The following ZNF536 variants were observed in gnomAD, a reference collection of about 807,000 sequenced individuals.
ZNF536 encodes zinc finger protein 536.
Under a neutral mutation model 84.5 loss-of-function variants are expected in ZNF536, and 13 were observed. The observed-to-expected ratio is 0.15, with a 90% CI of 0.10 to 0.24. The LOEUF (loss-of-function observed/expected upper bound fraction) is 0.24, where lower values mean the gene tolerates loss of function less well. Ranked by LOEUF, ZNF536 falls within the 10% of genes least tolerant of loss-of-function variation. ZNF536 has a pLI of 1.00. For synonymous variants in ZNF536, 811 were observed against 742.5 expected (o/e 1.09, Z -1.50); for missense variants, 1,536 against 1,747.5 (o/e 0.88, Z 2.16).
rs529980935 is a variant in ZNF536, at chr19:30,702,801, G to A, written c.170-7956G>A. ...TCCTGGCAACCTGTTTCATTCATCT[G>A]TTCCTTTGCTGGAAAAAAATGCTTG... is the stretch of plus-strand genomic sequence containing the variant. On this transcript the variant is annotated intron_variant, in intron 1 of 1. Transcript: ENST00000592773. Among the ~76,000 whole-genome samples the A allele has an allele frequency of 4.6e-5, 7 of 152,252 alleles. No homozygotes were observed. In the South Asian group the frequency reaches 1.5e-3, roughly 32 times the overall value.
chr19:30,567,102 G>A (rs552715052), intron 1 of ZNF536, among the ~76,000 whole-genome samples: 8 of 152,332 alleles, frequency 5.3e-5, no homozygotes, highest in African/African-American at 1.7e-4. Context: ...CTCACCTTGC[G>A]GGTGCTTTTC....
intron 1 of ZNF536, among the ~76,000 whole-genome samples, chr19:30,680,376 A>G (rs1441363379): frequency 2.0e-5 from 3 of 148,128 alleles, no homozygotes; most frequent in Admixed American, 1.3e-4. Flanking sequence ...AGCATTAGGT[A>G]TATCTCCTAA....
chr19:30,564,992 G>A (rs994743832), intron 1 of ZNF536, among the ~76,000 whole-genome samples: 16 of 152,210 alleles, frequency 1.1e-4, no homozygotes, highest in African/African-American at 3.9e-4. Context: ...TTATTTCCTA[G>A]AGGGGCGGGT....
At chr19:30,561,324 G>A (rs1353134558), downstream of ZNF536, among the ~76,000 whole-genome samples, 1 of 152,190 alleles carries the variant, frequency 6.6e-6, no homozygotes, top group Non-Finnish European at 1.5e-5. Flanking sequence ...CCTGCACCTG[G>A]GGAAGGGCTG....
chr19:30,287,267 ATGGATTGATGAATGGATGGC>A (rs1419786432), intron 2 of ZNF536, among the ~76,000 whole-genome samples: 86 of 135,378 alleles, frequency 6.4e-4, no homozygotes, highest in African/African-American at 2.1e-3. Context: ...TGATGGATGG[ATGGATTGATGAATGGATGGC>A]TGGATGGATG....
chr19:30,658,164 A>G (rs956211575), intron 1 of ZNF536, among the ~76,000 whole-genome samples: 1 of 151,986 alleles, frequency 6.6e-6, no homozygotes, highest in African/African-American at 2.4e-5. Context: ...TGGGACTACA[A>G]GTGTGCATCA....
intron 2 of ZNF536, among the ~76,000 whole-genome samples, chr19:30,464,989 C>T (rs2053321671): frequency 6.6e-6 from 1 of 152,144 alleles, no homozygotes; most frequent in South Asian, 2.1e-4. Flanking sequence ...CTGGGGCCGT[C>T]GGGGTTGATG....
At position 30,499,673 on chromosome 19, in the gene ZNF536, A is replaced by G. The variant is rs79153113; in HGVS notation, c.2171-35174A>G. ...GAAGTGTCTTAATACGTTTCAAAAT[A>G]AGTTTCGTGTGATTACCTTCTTTTC... On this transcript the variant is annotated intron_variant, in intron 2 of 4. Coordinates refer to ENST00000355537, the MANE Select transcript of ZNF536 (RefSeq NM_014717.3). 7.5e-3 allele frequency among the ~76,000 whole-genome samples: 1,148 copies of G among 152,320 alleles called. 7 individuals carry two copies. The highest frequency in any genetic ancestry group is 0.013 in the Non-Finnish European group (913 of 68,028).
chr19:30,231,244 G>A (rs1453265107), intron 1 of ZNF536, among the ~76,000 whole-genome samples: 24 of 152,238 alleles, frequency 1.6e-4, no homozygotes, highest in Admixed American at 1.6e-3. Context: ...TGTCTGCCAG[G>A]ACCTAGGGCA....
chr19:30,613,944 C>T (rs1471282251), intron 1 of ZNF536, among the ~76,000 whole-genome samples: 2 of 152,340 alleles, frequency 1.3e-5, no homozygotes, highest in African/African-American at 2.4e-5. Context: ...CTCACTGCAA[C>T]CTCCGCCTCC....
intron 1 of ZNF536, among the ~76,000 whole-genome samples, chr19:30,637,491 A>G (rs1215301372): frequency 6.6e-6 from 1 of 152,190 alleles, no homozygotes; most frequent in Non-Finnish European, 1.5e-5. Context: ...ATACCCTTCT[A>G]TAGACTCAAA....
At chr19:30,366,326 C>G (rs2146953486) in intron 3 of ZNF536, among the ~76,000 whole-genome samples, 1 of 152,302 alleles carries the variant, frequency 6.6e-6, no homozygotes, top group South Asian at 2.1e-4. Context: ...AGCTAGCTGT[C>G]AGTCTGTCTA....
chr19:30,321,403 G>A (rs1377312448), intron 2 of ZNF536, among the ~76,000 whole-genome samples: 1 of 152,006 alleles, frequency 6.6e-6, no homozygotes, highest in African/African-American at 2.4e-5. Flanking sequence ...CTGAAAATAT[G>A]AAAAATTAGC....
chr19:30,358,191 C>T (rs1211563622), intron 3 of ZNF536, among the ~76,000 whole-genome samples: 3 of 152,172 alleles, frequency 2.0e-5, no homozygotes, highest in Non-Finnish European at 4.4e-5. Context: ...TTAGCAGAAA[C>T]CTTTATGATC....
chr19:30,658,900 A>G (rs1185282151), intron 1 of ZNF536, among the ~76,000 whole-genome samples: 2 of 152,228 alleles, frequency 1.3e-5, no homozygotes, highest in African/African-American at 2.4e-5. Context: ...AAACTTGCTA[A>G]CATTTGGCCT....
intron 2 of ZNF536, among the ~76,000 whole-genome samples, chr19:30,525,981 G>C (rs2044558082): frequency 6.6e-6 from 1 of 152,214 alleles, no homozygotes; most frequent in Non-Finnish European, 1.5e-5. Flanking sequence ...ACCAGAGGCT[G>C]TTCCCAGGAG....
At chr19:30,259,212 T>G (rs2025067208) in intron 1 of ZNF536, among the ~76,000 whole-genome samples, 1 of 152,206 alleles carries the variant, frequency 6.6e-6, no homozygotes, top group Non-Finnish European at 1.5e-5. Context: ...TTGCTTTTTC[T>G]GCGTCATTTA....
In ZNF536 at chr19:30,445,657, G is replaced by A. The variant is rs1431241819; in HGVS notation, c.2095G>A (p.Gly699Arg). The A allele has an allele frequency of 1.9e-6, 3 of 1,610,326 alleles. No individual in the cohort carries two copies. Among genetic ancestry groups the A allele is most frequent in the Non-Finnish European group, 2.5e-6 (3 of 1,178,260 alleles). Reference protein sequence around the residue: ...PGSSNVTEESGVGGGLSQTGS... With the variant: ...PGSSNVTEESRVGGGLSQTGS... ...CTCCTCTAACGTCACCGAGGAGAGC[G>A]GGGTCGGAGGCGGCCTCTCCCAGAC... The change falls in exon 2 of 5, where the codon GGG (glycine) becomes AGG (arginine). Residue 699 changes from glycine (G) to arginine (R), a missense_variant. Gly to Arg is a moderately radical substitution (Grantham distance 125). Transcript: ENST00000355537. This position sits in a 1 kb window ranked among gnomAD's most constrained non-coding sequence, Gnocchi z 4.5.
At chr19:30,314,346 T>C (rs2046609274) in intron 2 of ZNF536, among the ~76,000 whole-genome samples, 1 of 152,046 alleles carries the variant, frequency 6.6e-6, no homozygotes, top group Non-Finnish European at 1.5e-5. Context: ...TTATGCCTTC[T>C]GGGGCCCTGG....
Sources: gnomAD v4.1 joint callset for allele counts (sites outside exome capture counted in the v4.1 genomes callset) on GRCh38, gnomAD v4.1.1 for gene constraint, Gnocchi (gnomAD v3.1) non-coding constraint, MANE v1.5 for transcripts, NCBI Gene and HGNC (gene_info 2026-07-23, HGNC 2026-07-21) for gene names.